SRP19: variants seen among roughly 807,000 people sequenced by gnomAD.
The protein encoded by SRP19 is signal recognition particle 19 kDa protein.
Under a neutral mutation model 22.4 loss-of-function variants are expected in SRP19, and 11 were observed. The observed-to-expected ratio is 0.49, with a 90% CI of 0.31 to 0.81. The LOEUF is 0.81. Ranked by LOEUF, SRP19 falls within the 40% of genes least tolerant of loss-of-function variation. The probability of loss-of-function intolerance (pLI) is 0.05; values close to 1 mark genes in which losing one functional copy is unlikely to be tolerated. For synonymous variants in SRP19, 61 were observed against 57.6 expected (o/e 1.06, Z -0.27); for missense variants, 168 against 175.9 (o/e 0.96, Z 0.25).
At chr5:112,873,822 GTTT>G (rs1360369156), downstream of SRP19, among the ~76,000 whole-genome samples, 69 of 151,746 alleles carry the variant, frequency 4.5e-4, no homozygotes, top group African/African-American at 1.5e-3. Flanking sequence ...AAGTAGCTTT[GTTT>G]CGGTTGCTGG....
At chr5:112,894,569 G>A (rs915708897), downstream of SRP19, 7 of 152,180 alleles carry the variant, frequency 4.6e-5, no homozygotes, top group Non-Finnish European at 8.8e-5. Context: ...ATCCTTGGTG[G>A]ACATTTTGAA....
At chr5:112,861,765 A>G (rs933488903) in intron 1 of SRP19, among the ~76,000 whole-genome samples, 3 of 152,154 alleles carry the variant, frequency 2.0e-5, no homozygotes, top group Non-Finnish European at 4.4e-5. Flanking sequence ...CATTTGTGAA[A>G]TTTTAAGGTT....
At chr5:112,863,378 A>G (rs995820522) in intron 2 of SRP19, among the ~76,000 whole-genome samples, 1 of 152,182 alleles carries the variant, frequency 6.6e-6, no homozygotes, top group African/African-American at 2.4e-5. Context: ...CAATAGCAGC[A>G]CCATTGCCGA....
Position 112,861,311 on chromosome 5 carries a change from G to A in SRP19, c.-66G>A. The A allele has an allele frequency of 6.3e-7, 1 of 1,591,750 alleles. No homozygotes were observed. On this transcript the variant is annotated 5_prime_UTR_variant, in exon 1 of 5. Coordinates refer to ENST00000505459, the MANE Select transcript of SRP19 (RefSeq NM_003135.3). ...CGGGCTGTCTCGGAAACTCAGAGCCGGGTTCCTCCCGGGTTTCTGCCGGGT... is the reference window on the plus strand; with the variant it reads ...CGGGCTGTCTCGGAAACTCAGAGCCAGGTTCCTCCCGGGTTTCTGCCGGGT...
chr5:112,875,216 C>CTAT (rs1341949295), intron 4 of SRP19, among the ~76,000 whole-genome samples: 2 of 152,182 alleles, frequency 1.3e-5, no homozygotes, highest in African/African-American at 2.4e-5. Flanking sequence ...TCCAGCCATG[C>CTAT]TATATAGAAC....
downstream of SRP19, among the ~76,000 whole-genome samples, chr5:112,870,503 A>G (rs143147094): frequency 6.2e-4 from 94 of 152,230 alleles, no homozygotes; most frequent in African/African-American, 2.1e-3. Flanking sequence ...GTGGTAGCCA[A>G]CTGAAAAGAT....
chr5:112,878,922 A>C, intron 4 of SRP19: 1 of 1,598,822 alleles, frequency 6.3e-7, no homozygotes, highest in Non-Finnish European at 8.6e-7. Flanking sequence ...TAATGTAGCT[A>C]CTAGATAACA....
downstream of SRP19, chr5:112,893,131 C>A: frequency 1.2e-6 from 1 of 864,282 alleles, no homozygotes; most frequent in Non-Finnish European, 1.7e-6. Context: ...TGGACCAGGC[C>A]AGGTATAGTG....
chr5:112,890,854 G>C lies in SRP19; in HGVS notation c.302-749G>C, dbSNP rs1041802870. Among the ~76,000 whole-genome samples the C allele has an allele frequency of 2.3e-4, 34 of 150,540 alleles. 2 individuals carry two copies. Among genetic ancestry groups the C allele is most frequent in the African/African-American group, 7.7e-4 (31 of 40,404 alleles). On this transcript the variant is annotated intron_variant, in intron 4 of 4. Transcript: ENST00000391338. ...ACAAGTTACTTAATCACTTAAGTCT[G>C]GTTTTTCCTCTATAAAATAGGTATT...
At chr5:112,863,648 G>T (rs1473350335) in intron 2 of SRP19, among the ~76,000 whole-genome samples, 1 of 152,082 alleles carries the variant, frequency 6.6e-6, no homozygotes, top group Non-Finnish European at 1.5e-5. Context: ...GTATGCCAAA[G>T]TCTTTTCTAC....
chr5:112,887,585 G>T (rs1455057180), intron 4 of SRP19, among the ~76,000 whole-genome samples: 2 of 152,130 alleles, frequency 1.3e-5, no homozygotes, highest in East Asian at 3.9e-4. Flanking sequence ...GCCTGTGCTT[G>T]GTAGGCTTAT....
At chr5:112,896,443 A>C (rs1327919023), downstream of SRP19, 1 of 152,254 alleles carries the variant, frequency 6.6e-6, no homozygotes, top group Non-Finnish European at 1.5e-5. Context: ...GAATTGCTTG[A>C]ATGCGGGAAG....
chr5:112,897,389 A>C (rs2150042578), downstream of SRP19: 1 of 151,980 alleles, frequency 6.6e-6, no homozygotes, highest in South Asian at 2.1e-4. Context: ...ACACACACAC[A>C]CACACAAATG....
intron 4 of SRP19, chr5:112,886,865 T>C (rs1768263320): frequency 1.9e-6 from 1 of 532,344 alleles, no homozygotes; most frequent in South Asian, 3.4e-5. Context: ...GTGTTCTCAA[T>C]AGGCAAAGAC....
At chr5:112,897,786 C>T (rs1279232085), downstream of SRP19, 1 of 152,092 alleles carries the variant, frequency 6.6e-6, no homozygotes, top group Non-Finnish European at 1.5e-5. Context: ...GGGCTGGGAG[C>T]AGTGGCTCAC....
At chr5:112,894,202 C>T (rs1258368283), downstream of SRP19, 1 of 151,204 alleles carries the variant, frequency 6.6e-6, no homozygotes, top group East Asian at 2.0e-4. Flanking sequence ...TCACTGCAAC[C>T]TCCGCCTCCC....
intron 4 of SRP19, among the ~76,000 whole-genome samples, chr5:112,884,834 T>C (rs1394491307): frequency 2.0e-5 from 3 of 151,772 alleles, no homozygotes; most frequent in African/African-American, 7.3e-5. Flanking sequence ...ATGGTAAATA[T>C]ACTATCTAAT....
intron 4 of SRP19, among the ~76,000 whole-genome samples, chr5:112,883,902 C>CAT (rs1229636296): frequency 6.6e-6 from 1 of 152,144 alleles, no homozygotes; most frequent in African/African-American, 2.4e-5. Context: ...ACCCCTCTGA[C>CAT]CCATGCCCAA....
At chr5:112,873,007 G>A (rs1239254180), downstream of SRP19, among the ~76,000 whole-genome samples, 1 of 151,734 alleles carries the variant, frequency 6.6e-6, no homozygotes, top group Admixed American at 6.6e-5. Flanking sequence ...TAGCTGAAGG[G>A]AAGTTGTAGC....
Sources: allele counts gnomAD v4.1 joint callset (sites outside exome capture counted in the v4.1 genomes callset), GRCh38; gene constraint gnomAD v4.1.1; transcripts MANE v1.5; gene names NCBI Gene and HGNC (gene_info 2026-07-23, HGNC 2026-07-21).